The following FECH variants were observed in gnomAD, a reference collection of about 807,000 sequenced individuals.
FECH encodes the protein ferrochelatase, mitochondrial.
Under a neutral mutation model 56.9 loss-of-function variants are expected in FECH, and 40 were observed. The observed-to-expected ratio is 0.70, with a 90% CI of 0.55 to 0.92. The LOEUF (loss-of-function observed/expected upper bound fraction) is 0.92, where lower values mean the gene tolerates loss of function less well. Ranked by LOEUF, FECH falls within the 40% of genes least tolerant of loss-of-function variation. FECH has a pLI of 0.00. For missense variants in FECH, 431 were observed against 529.1 expected, an observed-to-expected ratio of 0.81 and a Z score of 1.82; for synonymous variants, 175 against 198.6, an observed-to-expected ratio of 0.88 and a Z score of 1.00.
chr18:57,573,403 T>G, intron 2 of FECH, 38 bp from the exon 3 acceptor site: 1 of 1,612,492 alleles, frequency 6.2e-7, no homozygotes, highest in Non-Finnish European at 8.5e-7. Context: ...TTTGTCACAC[T>G]TCTTATTTTC....
At position 57,544,508 on chromosome 18, in the gene FECH, G is replaced by A. The variant is rs560236342; in HGVS notation, c.*6204C>T. ...TATAGTCAATTCATTCTCAGAGAATGCTTTTGTTGATGTTTACCAAGCTCT... is the reference window on the plus strand; with the variant it reads ...TATAGTCAATTCATTCTCAGAGAATACTTTTGTTGATGTTTACCAAGCTCT... On this transcript the variant is annotated 3_prime_UTR_variant, in exon 11 of 11. Transcript: ENST00000262093. Among the ~76,000 whole-genome samples the A allele has an allele frequency of 6.6e-6, 1 of 152,326 alleles. No individual in the cohort carries two copies. Among genetic ancestry groups the A allele is most frequent in the Middle Eastern group, 3.4e-3 (1 of 294 alleles).
intron 3 of FECH, 98 bp downstream of exon 3, chr18:57,573,148 A>G (rs542831650): frequency 5.2e-6 from 6 of 1,157,320 alleles, no homozygotes; most frequent in South Asian, 1.2e-5. Context: ...ATTACCAGAT[A>G]CGCATTAAAA....
At chr18:57,562,533 GGTCA>G (rs147349759) in intron 6 of FECH, among the ~76,000 whole-genome samples, 2,040 of 152,070 alleles carry the variant, frequency 0.013, 54 homozygotes, top group African/African-American at 0.046. Context: ...TTAATTCGTT[GGTCA>G]GTCACTCAAC....
rs2051017941 is a variant in FECH at position 57,566,475 on chromosome 18, C to T, written c.570G>A (p.Gln190=). 1.2e-6 allele frequency: 2 copies of T among 1,614,072 alleles called. No homozygotes were observed. Among genetic ancestry groups the T allele is most frequent in the South Asian group, 1.1e-5 (1 of 91,086 alleles). ...DGLERAIAFT[Q]YPQYSCSTTG... The stretch of plus-strand genomic sequence containing the variant: ...TGGTGGAGCAGCTGTACTGTGGATA[C>T]TGTGTGAAAGCAATAGCCCTTTCTA... The change falls in exon 5 of 11, where the codon CAG becomes CAA. Residue 190 remains glutamine (Q), a synonymous_variant. Transcript: ENST00000262093.
intron 1 of FECH, among the ~76,000 whole-genome samples, chr18:57,582,757 C>CAA (rs572019088): frequency 2.0e-4 from 25 of 122,098 alleles, no homozygotes; most frequent in African/African-American, 6.6e-4. Flanking sequence ...ACTAAAAATA[C>CAA]AAAAAAAAAA....
intron 1 of FECH, among the ~76,000 whole-genome samples, chr18:57,581,509 T>G (rs970313471): frequency 6.6e-6 from 1 of 152,222 alleles, no homozygotes; most frequent in Admixed American, 6.5e-5. Context: ...GAAACCAGCT[T>G]GCGATCAGTC....
chr18:57,575,089 G>A (rs2051166115), intron 2 of FECH, among the ~76,000 whole-genome samples: 1 of 152,004 alleles, frequency 6.6e-6, no homozygotes, highest in Non-Finnish European at 1.5e-5. Flanking sequence ...GATTGTGTCT[G>A]GTTTTACTCA....
In FECH at chr18:57,562,827, TCA is replaced by T. The variant is rs745796886; in HGVS notation, c.705+45_705+46del. On this transcript the variant is annotated intron_variant, in intron 6 of 10. Coordinates refer to ENST00000262093, the MANE Select transcript of FECH (RefSeq NM_000140.5). The stretch of plus-strand genomic sequence containing the variant: ...AACCCAGAAGGGATGAGAAGCTGAT[TCA>T]CACTAGATGCTGGGGTGACAGGCAG... 7.5e-6 allele frequency: 11 copies of T among 1,465,060 alleles called. No homozygotes were observed. The African/African-American group carries it at 1.5e-4, about 20-fold the overall frequency. 90.8% of individuals were successfully genotyped at this position (1,465,060 alleles called of 1,614,324 possible).
At chr18:57,570,037 GTGTGTGTGT>G (rs1232787677) in intron 4 of FECH, among the ~76,000 whole-genome samples, 173 of 78,696 alleles carry the variant, frequency 2.2e-3, no homozygotes, top group Non-Finnish European at 3.6e-3. Context: ...GTTGTCGTGT[GTGTGTGTGT>G]GTGTGTGTGT....
At chr18:57,572,018 A>C (rs2051117805) in intron 3 of FECH, among the ~76,000 whole-genome samples, 1 of 152,268 alleles carries the variant, frequency 6.6e-6, no homozygotes, top group Non-Finnish European at 1.5e-5. Context: ...CTAATTGTCC[A>C]CCATGAAGCA....
chr18:57,547,542 A>G lies in FECH; in HGVS notation c.*3170T>C, dbSNP rs75976774. On this transcript the variant is annotated 3_prime_UTR_variant, in exon 11 of 11. Transcript: ENST00000262093. ...TAAGACATCTGCTTCCCCTTCTGCC[A>G]TGATTGTCAATTTCCTAAGGCTTCC... 0.015 allele frequency among the ~76,000 whole-genome samples: 2,338 copies of G among 152,298 alleles called. 60 individuals are homozygous for G. Among genetic ancestry groups the G allele is most frequent in the African/African-American group, 0.053 (2,197 of 41,548 alleles).
In FECH at chr18:57,550,807, C is replaced by T. The variant is rs1477553518; in HGVS notation, c.1177G>A (p.Glu393Lys). ...AGGGTCAGCTGCTTGGAACACAGCT[C>T]GTTTGACTGGATGTGTGAATGCACC... Reference protein sequence around the residue: ...DLVHSHIQSNELCSKQLTLSC... With the variant: ...DLVHSHIQSNKLCSKQLTLSC... Residue 393 changes from glutamate to lysine, a missense_variant, in exon 11 of 11, where the codon GAG becomes AAG. Coordinates refer to ENST00000262093, the MANE Select transcript of FECH (RefSeq NM_000140.5). 5 of 1,614,070 alleles carry T rather than the reference C, an allele frequency of 3.1e-6. No homozygotes were observed. Among genetic ancestry groups the T allele is most frequent in the Non-Finnish European group, 4.2e-6 (5 of 1,180,022 alleles).
At chr18:57,565,160 T>G (rs1055322391) in intron 5 of FECH, among the ~76,000 whole-genome samples, 1 of 152,214 alleles carries the variant, frequency 6.6e-6, no homozygotes, top group Non-Finnish European at 1.5e-5. Context: ...TCTTCTTAAT[T>G]TATCTAATTG....
At chr18:57,581,251 T>C (rs574538936) in intron 1 of FECH, among the ~76,000 whole-genome samples, 2 of 152,352 alleles carry the variant, frequency 1.3e-5, no homozygotes, top group Admixed American at 6.5e-5. Flanking sequence ...ATACCATATA[T>C]GTGCCTTCAA....
chr18:57,561,072 G>A (rs529988781), intron 6 of FECH, among the ~76,000 whole-genome samples: 4 of 152,234 alleles, frequency 2.6e-5, no homozygotes, highest in African/African-American at 7.2e-5. Flanking sequence ...AACTAAAGAT[G>A]CTCAGAAAGG....
chr18:57,553,748 G>A (rs1598980128), intron 9 of FECH, among the ~76,000 whole-genome samples: 1 of 152,104 alleles, frequency 6.6e-6, no homozygotes, highest in African/African-American at 2.4e-5. Context: ...GCATAAAAGA[G>A]GTCAAGGAAA....
chr18:57,557,995 C>G (rs2050889886), intron 7 of FECH, among the ~76,000 whole-genome samples: 1 of 152,218 alleles, frequency 6.6e-6, no homozygotes, highest in South Asian at 2.1e-4. Context: ...ATCTTCAGAG[C>G]CTCCTACCGT....
At chr18:57,551,095 C>G in intron 10 of FECH, 2 of 636,872 alleles carry the variant, frequency 3.1e-6, no homozygotes, top group South Asian at 3.9e-5. Context: ...CTCTGGAAAG[C>G]AGGTTTTAAA....
At chr18:57,562,813 G>T in intron 6 of FECH, 61 bp downstream of exon 6, 1 of 1,312,262 alleles carries the variant, frequency 7.6e-7, no homozygotes, top group Non-Finnish European at 1.1e-6. Flanking sequence ...ACCCAGAAGG[G>T]ATGAGAAGCT....
Sources: gnomAD v4.1 joint callset for allele counts (sites outside exome capture counted in the v4.1 genomes callset) on GRCh38, gnomAD v4.1.1 for gene constraint, MANE v1.5 for transcripts, NCBI Gene and HGNC (gene_info 2026-07-23, HGNC 2026-07-21) for gene names.